Variants in COL24A1 observed in about 807,000 individuals in gnomAD.
COL24A1 encodes collagen type XXIV alpha 1 chain, also known as collagen alpha-1(XXIV) chain.
In COL24A1, 224 loss-of-function variants were observed where a neutral mutation model predicts 253.9. The observed-to-expected ratio is 0.88, with a 90% confidence interval of 0.79 to 0.99. COL24A1 has a LOEUF of 0.99. Among genes scored for constraint, COL24A1 ranks in the 50% least tolerant of loss-of-function variants. COL24A1 has a pLI of 0.00. For missense variants in COL24A1, 2,131 were observed against 2,068.5 expected (o/e 1.03, Z -0.59); for synonymous variants, 685 against 673.7 (o/e 1.02, Z -0.26).
At chr1:85,902,112 C>T (rs530970627) in intron 28 of COL24A1, among the ~76,000 whole-genome samples, 81 of 152,226 alleles carry the variant, frequency 5.3e-4, no homozygotes, top group Admixed American at 2.0e-3. Context: ...AAGACAAATG[C>T]CACATGTTCT....
chr1:85,783,595 T>C (rs753048582), intron 50 of COL24A1, 37 bp from the exon 51 acceptor site: 1 of 1,563,032 alleles, frequency 6.4e-7, no homozygotes, highest in Non-Finnish European at 8.8e-7. Flanking sequence ...ATAAAATTTG[T>C]AGCTCTATAT....
intron 24 of COL24A1, among the ~76,000 whole-genome samples, chr1:85,921,025 C>T (rs183391809): frequency 6.8e-4 from 104 of 152,224 alleles, no homozygotes; most frequent in African/African-American, 2.4e-3. Flanking sequence ...TGATCTGCAG[C>T]TCTCAGCATG....
intron 2 of COL24A1, among the ~76,000 whole-genome samples, chr1:86,139,214 CGAGAAAGAGGGATG>C (rs1315310878): frequency 7.3e-5 from 11 of 150,416 alleles, no homozygotes; most frequent in Admixed American, 7.3e-4. Flanking sequence ...AGTAGTAGAT[CGAGAAAGAGGGATG>C]GAGAAAGAGT....
intron 20 of COL24A1, among the ~76,000 whole-genome samples, chr1:85,972,707 G>A (rs1342848296): frequency 6.6e-6 from 1 of 152,178 alleles, no homozygotes; most frequent in Admixed American, 6.5e-5. Flanking sequence ...AGACATCTAA[G>A]TCAGTCAGTA....
chr1:86,038,059 A>C (rs1472910069), intron 12 of COL24A1, among the ~76,000 whole-genome samples: 2 of 152,092 alleles, frequency 1.3e-5, no homozygotes, highest in Non-Finnish European at 2.9e-5. Context: ...TTTTATGTCC[A>C]CCTGTCGCCA....
rs1250310772 is a variant in COL24A1, at chr1:85,744,779, G to T, written c.4559C>A (p.Thr1520Asn). The T allele has an allele frequency of 6.2e-7, 1 of 1,609,770 alleles. No individual in the cohort carries two copies. Among genetic ancestry groups the T allele is most frequent in the Non-Finnish European group, 8.5e-7 (1 of 1,178,574 alleles). ...LIDHSEEIFK[T>N]LNYLSNLLHS... is the part of the protein sequence containing the mutation. Reference sequence around the variant, plus strand: ...CAATAAATTGCTAAGGTAGTTCAGGGTTTTGAATATCTCTTCACTGTGGTC... The same window carrying T: ...CAATAAATTGCTAAGGTAGTTCAGGTTTTTGAATATCTCTTCACTGTGGTC... Residue 1520 changes from threonine (T) to asparagine (N), a missense_variant, in exon 57 of 60, where the codon ACC (threonine) becomes AAC (asparagine). Physicochemically the swap from Thr to Asn is moderately conservative, Grantham distance 65 (BLOSUM62 0). Transcript: ENST00000370571.
intron 3 of COL24A1, among the ~76,000 whole-genome samples, chr1:86,116,212 G>A (rs1706122693): frequency 6.6e-6 from 1 of 152,064 alleles, no homozygotes; most frequent in African/African-American, 2.4e-5. Flanking sequence ...TGTTCTTGGT[G>A]TCTATAGAGC....
chr1:86,072,253 C>T (rs1324342082), intron 7 of COL24A1, among the ~76,000 whole-genome samples: 1 of 152,176 alleles, frequency 6.6e-6, no homozygotes, highest in Non-Finnish European at 1.5e-5. Flanking sequence ...AAGCTAAAAT[C>T]CACTGGCTTG....
At position 86,084,160 on chromosome 1, in the gene COL24A1, T is replaced by C. The variant is rs577477983; in HGVS notation, c.1707+5014A>G. 3.1e-3 allele frequency among the ~76,000 whole-genome samples: 466 copies of C among 152,262 alleles called. 1 individual carries two copies. The highest frequency in any genetic ancestry group is 9.2e-3 in the African/African-American group (383 of 41,566). Reference sequence around the variant, plus strand: ...ATTGAGAAATAGTGATAAAATAGGATGGTATAGTTATCAAAAAAAGAATCC... The same window carrying C: ...ATTGAGAAATAGTGATAAAATAGGACGGTATAGTTATCAAAAAAAGAATCC... On this transcript the variant is annotated intron_variant, in intron 7 of 59. Transcript: ENST00000370571.
intron 24 of COL24A1, among the ~76,000 whole-genome samples, chr1:85,926,789 A>T (rs952092448): frequency 2.6e-5 from 4 of 152,112 alleles, no homozygotes; most frequent in Non-Finnish European, 2.9e-5. Flanking sequence ...CACGTTGTGC[A>T]CATGTACCCT....
intron 43 of COL24A1, among the ~76,000 whole-genome samples, chr1:85,824,881 A>G (rs1165037269): frequency 6.7e-6 from 1 of 149,588 alleles, no homozygotes; most frequent in Non-Finnish European, 1.5e-5. Context: ...GATTGCATAC[A>G]TAGGCTAACA....
At chr1:85,920,929 GAA>G (rs71078629) in intron 24 of COL24A1, among the ~76,000 whole-genome samples, 15 of 144,400 alleles carry the variant, frequency 1.0e-4, no homozygotes, top group African/African-American at 3.5e-4. Context: ...GCAAGAGGTA[GAA>G]AAAAAAAAAC....
chr1:86,056,117 C>CAA (rs10714167), intron 10 of COL24A1, among the ~76,000 whole-genome samples: 1 of 138,166 alleles, frequency 7.2e-6, no homozygotes, highest in Non-Finnish European at 1.6e-5. Context: ...GACTCTGTTT[C>CAA]AAAAAAAAAA....
At chr1:86,105,479 C>T (rs76037232) in intron 5 of COL24A1, among the ~76,000 whole-genome samples, 2,921 of 152,262 alleles carry the variant, frequency 0.019, 48 homozygotes, top group Non-Finnish European at 0.027. Context: ...CATCTGTTTG[C>T]AGTCCAGCAT....
intron 20 of COL24A1, among the ~76,000 whole-genome samples, chr1:85,974,910 T>C (rs558108238): frequency 2.0e-5 from 3 of 152,136 alleles, no homozygotes; most frequent in East Asian, 3.9e-4. Flanking sequence ...AAATGATACA[T>C]AGAATATAAC....
At chr1:85,868,281 C>T (rs1471553539) in intron 37 of COL24A1, among the ~76,000 whole-genome samples, 2 of 152,120 alleles carry the variant, frequency 1.3e-5, no homozygotes, top group African/African-American at 2.4e-5. Context: ...TAAAACATTC[C>T]TTTATAAATG....
At chr1:85,764,537 T>G (rs368622414) in intron 53 of COL24A1, among the ~76,000 whole-genome samples, 39 of 150,886 alleles carry the variant, frequency 2.6e-4, no homozygotes, top group African/African-American at 9.5e-4. Context: ...CTAACCCTCT[T>G]TTTCTGAAAG....
At chr1:86,028,358 C>A (rs553298697) in intron 14 of COL24A1, among the ~76,000 whole-genome samples, 27 of 152,166 alleles carry the variant, frequency 1.8e-4, no homozygotes, top group Non-Finnish European at 2.1e-4. Context: ...CCCATAACCC[C>A]CACATGCCAA....
rs17128240 is a variant in COL24A1, at chr1:85,761,178, C to T, written c.4437+218G>A. Among the ~76,000 whole-genome samples, 1,415 of 152,150 alleles carry T rather than the reference C, an allele frequency of 9.3e-3. 57 individuals carry two copies. Among genetic ancestry groups the T allele is most frequent in the Admixed American group, 0.063 (957 of 15,290 alleles). On this transcript the variant is annotated intron_variant, in intron 55 of 59. Coordinates refer to ENST00000370571, the MANE Select transcript of COL24A1 (RefSeq NM_152890.7). Reference sequence around the variant, plus strand: ...TTCTTACTCAACACTTGAAACCACCCAAGAAAGCAGGAGATACCATCTCCA... The same window carrying T: ...TTCTTACTCAACACTTGAAACCACCTAAGAAAGCAGGAGATACCATCTCCA...
Sources: gnomAD v4.1 joint callset for allele counts (sites outside exome capture counted in the v4.1 genomes callset) on GRCh38, gnomAD v4.1.1 for gene constraint, MANE v1.5 for transcripts, NCBI Gene and HGNC (gene_info 2026-07-23, HGNC 2026-07-21) for gene names.